Variants in NECTIN1 observed in about 807,000 individuals in gnomAD.
NECTIN1 encodes nectin-1.
NECTIN1 carries 23 observed loss-of-function variants against 48.0 expected under a neutral mutation model. That is an observed-to-expected ratio of 0.48 (90% CI 0.34 to 0.68). NECTIN1 has a LOEUF of 0.68. NECTIN1 is among the 30% of genes least tolerant of loss of function. The pLI is 0.01. For missense variants in NECTIN1, 591 were observed against 709.9 expected (o/e 0.83, Z 1.90); for synonymous variants, 270 against 288.9 (o/e 0.93, Z 0.66).
At chr11:119,639,976 G>A (rs1555073777) in exon 6 of NECTIN1, 3 of 1,613,992 alleles carry the variant, frequency 1.9e-6, no homozygotes, top group Admixed American at 3.3e-5. Context: ...CAGGAGCCTG[G>A]CTGCACTTCC....
intron 1 of NECTIN1, among the ~76,000 whole-genome samples, chr11:119,703,577 T>C (rs1424731849): frequency 6.6e-6 from 1 of 152,212 alleles, no homozygotes; most frequent in Non-Finnish European, 1.5e-5. Flanking sequence ...ACCTACTTGC[T>C]GTACAGATAA....
chr11:119,705,861 A>G (rs1865540152), intron 1 of NECTIN1, among the ~76,000 whole-genome samples: 1 of 151,548 alleles, frequency 6.6e-6, no homozygotes, highest in Admixed American at 6.6e-5. Context: ...AGGTCTACGG[A>G]GCCCTCCTCT....
rs1865956659 is a variant in NECTIN1, at chr11:119,728,526, C to A, written c.28G>T (p.Ala10Ser). ...AGAGCGAGTCCCCACCAGCGTCCAG[C>A]GGCGCCCGCAAGCCCCATCCGAGCC... MARMGLAGAAGRWWGLALGL... is the reference protein window; with the variant it reads MARMGLAGASGRWWGLALGL... Residue 10 changes from alanine to serine, a missense_variant, in exon 1 of 6, where the codon GCT (alanine) becomes TCT (serine). Ala to Ser is a moderately conservative substitution (Grantham distance 99). Coordinates refer to ENST00000264025, the MANE Select transcript of NECTIN1 (RefSeq NM_002855.5). 2 of 1,595,078 alleles carry A rather than the reference C, an allele frequency of 1.3e-6. No homozygotes were observed. Among genetic ancestry groups the A allele is most frequent in the Middle Eastern group, 1.7e-4 (1 of 6,012 alleles).
In NECTIN1 at chr11:119,672,365, C is replaced by G; in HGVS notation, c.1003+2794G>C. ...GGGCCTCTCCCCACCTTGTCATTAC[C>G]CCAGAGGGAGAAGGGAGGGAGCTTC... On this transcript the variant is annotated intron_variant, in intron 5 of 5. Transcript: ENST00000264025. The surrounding 1 kb of genome is among the most constrained non-coding windows in gnomAD (Gnocchi z 4.3). Among the ~76,000 whole-genome samples, 1 of 152,132 alleles carries G rather than the reference C, an allele frequency of 6.6e-6. No individual in the cohort carries two copies. Among genetic ancestry groups the G allele is most frequent in the East Asian group, 1.9e-4 (1 of 5,186 alleles).
chr11:119,703,520 A>T (rs530596365), intron 1 of NECTIN1, among the ~76,000 whole-genome samples: 29 of 152,320 alleles, frequency 1.9e-4, no homozygotes, highest in Non-Finnish European at 3.5e-4. Context: ...CTGTGTACCC[A>T]GGATGGGCCA....
intron 5 of NECTIN1, among the ~76,000 whole-genome samples, chr11:119,647,265 C>T (rs922197368): frequency 3.4e-5 from 5 of 148,178 alleles, no homozygotes; most frequent in African/African-American, 1.0e-4. Flanking sequence ...TGTCACTTCC[C>T]ACTTCACCTA....
intron 1 of NECTIN1, among the ~76,000 whole-genome samples, chr11:119,702,729 T>C (rs1417206874): frequency 6.6e-6 from 1 of 152,230 alleles, no homozygotes; most frequent in Non-Finnish European, 1.5e-5. Flanking sequence ...TCAAAGGCTG[T>C]AGGGAAGATT....
rs190233531 is a variant in NECTIN1, at chr11:119,664,053, C to T, written c.*694G>A. On this transcript the variant is annotated 3_prime_UTR_variant, in exon 6 of 6. Coordinates refer to ENST00000264025, the MANE Select transcript of NECTIN1 (RefSeq NM_002855.5). ...GGGCACATTGGGGATAAAGAGGGGA[C>T]GCGTCAGAGCTAGGCCAACTCCACT... is the stretch of plus-strand genomic sequence containing the variant. The T allele has an allele frequency of 1.1e-5, 11 of 985,454 alleles. No individual in the cohort carries two copies. The South Asian group carries it at 2.4e-4, about 21-fold the overall frequency. 61.0% of individuals were successfully genotyped at this position (985,454 alleles called of 1,614,324 possible).
At chr11:119,726,853 T>C (rs1865915676) in intron 1 of NECTIN1, among the ~76,000 whole-genome samples, 1 of 152,174 alleles carries the variant, frequency 6.6e-6, no homozygotes, top group South Asian at 2.1e-4. Context: ...GAAGGGTTCC[T>C]GGAAGCTCAA....
Position 119,683,794 on chromosome 11 carries a change from C to G in NECTIN1, c.80-5029G>C, listed in dbSNP as rs1865104692. On this transcript the variant is annotated intron_variant, in intron 1 of 5. Coordinates refer to ENST00000264025, the MANE Select transcript of NECTIN1 (RefSeq NM_002855.5). The surrounding 1 kb of genome is among the most constrained non-coding windows in gnomAD (Gnocchi z 4.0). ...ACTGCCTATATTCTCCCTGACCACC[C>G]TATGAGCTCCAGGATCTGGGACCCA... Among the ~76,000 whole-genome samples the G allele has an allele frequency of 6.6e-6, 1 of 151,942 alleles. No individual in the cohort carries two copies.
chr11:119,661,351 TTGGCAGCAG>T lies in NECTIN1; in HGVS notation c.*3387_*3395del. The T allele has an allele frequency of 1.0e-6, 1 of 986,552 alleles. No homozygotes were observed. The highest frequency in any genetic ancestry group is 1.2e-6 in the Non-Finnish European group (1 of 830,500). The allele number at this position is 986,552 out of a possible 1,614,324, so 61.1% of individuals were successfully genotyped here. ...TCCTGGCCTCACAAGCTGGGCAGTG[TTGGCAGCAG>T]TGGCAGCAGCAGAGGGGCCTGCCTC... is the stretch of plus-strand genomic sequence containing the variant. On this transcript the variant is annotated 3_prime_UTR_variant, in exon 6 of 6. Coordinates refer to ENST00000264025, the MANE Select transcript of NECTIN1 (RefSeq NM_002855.5).
Position 119,675,147 on chromosome 11 carries a change from G to A in NECTIN1, c.1003+12C>T. 3 of 1,614,088 alleles carry A rather than the reference G, an allele frequency of 1.9e-6. No individual in the cohort carries two copies. The highest frequency in any genetic ancestry group is 2.5e-6 in the Non-Finnish European group (3 of 1,179,996). Reference sequence around the variant, plus strand: ...TGGGTGCGGAGAGGCTGGGGAGGATGCAGCTTCCTACCTGTGATATTGACC... The same window carrying A: ...TGGGTGCGGAGAGGCTGGGGAGGATACAGCTTCCTACCTGTGATATTGACC... On this transcript the variant is annotated intron_variant, in intron 5 of 5. Coordinates refer to ENST00000264025, the MANE Select transcript of NECTIN1 (RefSeq NM_002855.5).
rs1466572602 is a variant in NECTIN1, at chr11:119,673,931, G to A, written c.1003+1228C>T. Among the ~76,000 whole-genome samples, 1 of 152,192 alleles carries A rather than the reference G, an allele frequency of 6.6e-6. No individual in the cohort carries two copies. The highest frequency in any genetic ancestry group is 2.4e-5 in the African/African-American group (1 of 41,444). On this transcript the variant is annotated intron_variant, in intron 5 of 5. Coordinates refer to ENST00000264025, the MANE Select transcript of NECTIN1 (RefSeq NM_002855.5). The surrounding 1 kb of genome is among the most constrained non-coding windows in gnomAD (Gnocchi z 5.8). ...TGACTAGTCTCGGGGCCAAGGCCAG[G>A]GATTGCAGACAACAGCAGGTGGCTC...
intron 1 of NECTIN1, among the ~76,000 whole-genome samples, chr11:119,688,443 G>T (rs909224701): frequency 6.6e-6 from 1 of 151,896 alleles, no homozygotes; most frequent in Non-Finnish European, 1.5e-5. Context: ...ATTTTGGAGG[G>T]GGGGACTGTC....
chr11:119,681,895 T>C (rs914244042), intron 1 of NECTIN1, among the ~76,000 whole-genome samples: 1 of 152,146 alleles, frequency 6.6e-6, no homozygotes, highest in Non-Finnish European at 1.5e-5. Flanking sequence ...GGTATTTGCC[T>C]CTTTGCTACA....
Position 119,709,058 on chromosome 11 carries a change from G to A in NECTIN1, c.79+19417C>T, listed in dbSNP as rs541192727. ...GATCCTGAGACACTCTACCCCCCAC[G>A]CCCGCCCACATAGCCAACATATCGC... On this transcript the variant is annotated intron_variant, in intron 1 of 5. Coordinates refer to ENST00000264025, the MANE Select transcript of NECTIN1 (RefSeq NM_002855.5). This position sits in a 1 kb window ranked among gnomAD's most constrained non-coding sequence, Gnocchi z 4.1. 1.3e-5 allele frequency among the ~76,000 whole-genome samples: 2 copies of A among 151,784 alleles called. No individual in the cohort carries two copies. Among genetic ancestry groups the A allele is most frequent in the Non-Finnish European group, 2.9e-5 (2 of 67,918 alleles).
chr11:119,707,420 C>T (rs1425542549), intron 1 of NECTIN1, among the ~76,000 whole-genome samples: 3 of 152,178 alleles, frequency 2.0e-5, no homozygotes, highest in South Asian at 2.1e-4. Context: ...CTTTTATGGC[C>T]GTTCCCCATT....
At chr11:119,638,247 C>T (rs777469044) in exon 8 of NECTIN1, 3 of 1,614,014 alleles carry the variant, frequency 1.9e-6, no homozygotes, top group Admixed American at 3.3e-5. Context: ...AGGTGGACAA[C>T]CTGGAAGAGA....
At chr11:119,676,949 G>C in intron 4 of NECTIN1, 153 bp downstream of exon 4, 2 of 701,082 alleles carry the variant, frequency 2.9e-6, no homozygotes, top group Non-Finnish European at 5.2e-6. Context: ...TGTTGGGGGT[G>C]GGGGTTGTTC....
Sources: allele counts gnomAD v4.1 joint callset (sites outside exome capture counted in the v4.1 genomes callset), GRCh38; gene constraint gnomAD v4.1.1; non-coding constraint Gnocchi (gnomAD v3.1); transcripts MANE v1.5; gene names NCBI Gene and HGNC (gene_info 2026-07-23, HGNC 2026-07-21).